MACROD2: variants seen among roughly 807,000 people sequenced by gnomAD.
MACROD2 encodes mono-ADP ribosylhydrolase 2, also known as ADP-ribose glycohydrolase MACROD2.
Under a neutral mutation model 70.4 loss-of-function variants are expected in MACROD2, and 36 were observed. The observed-to-expected ratio is 0.51, with a 90% CI of 0.39 to 0.68. The LOEUF (loss-of-function observed/expected upper bound fraction) is 0.68. Among genes scored for constraint, MACROD2 ranks in the 30% least tolerant of loss-of-function variants. MACROD2 has a pLI of 0.00. For missense variants in MACROD2, 496 were observed against 538.4 expected (o/e 0.92, Z 0.78); for synonymous variants, 172 against 178.8 (o/e 0.96, Z 0.30).
chr20:14,464,054 G>C (rs2084406955), intron 3 of MACROD2, among the ~76,000 whole-genome samples: 1 of 152,026 alleles, frequency 6.6e-6, no homozygotes, highest in Admixed American at 6.6e-5. Context: ...CTCATAAATT[G>C]AGTTAGGGAG....
chr20:14,605,960 A>G (rs998750378), intron 4 of MACROD2, among the ~76,000 whole-genome samples: 3 of 152,156 alleles, frequency 2.0e-5, no homozygotes, highest in African/African-American at 4.8e-5. Context: ...AATATTACCC[A>G]GGGATAATAG....
chr20:15,852,383 G>T (rs768037251), intron 8 of MACROD2, among the ~76,000 whole-genome samples: 7 of 152,162 alleles, frequency 4.6e-5, no homozygotes, highest in Non-Finnish European at 1.0e-4. Context: ...CAAAATAAAG[G>T]ATCCTTTTTA....
chr20:14,983,841 G>A (rs2122847265), intron 5 of MACROD2, among the ~76,000 whole-genome samples: 1 of 152,316 alleles, frequency 6.6e-6, no homozygotes, highest in East Asian at 1.9e-4. Flanking sequence ...AAGTAGTAAT[G>A]ATACTGGTAA....
At chr20:15,450,039 G>T (rs1294635606) in intron 7 of MACROD2, among the ~76,000 whole-genome samples, 2 of 151,924 alleles carry the variant, frequency 1.3e-5, no homozygotes, top group African/African-American at 4.8e-5. Flanking sequence ...ACACACAACA[G>T]ATATTAAGCC....
At chr20:15,667,270 A>G (rs6135480) in intron 8 of MACROD2, among the ~76,000 whole-genome samples, 57,550 of 151,854 alleles carry the variant, frequency 0.38, 12,322 homozygotes, top group South Asian at 0.48. Flanking sequence ...TGCTTTCTCC[A>G]TATGATGTGC....
intron 6 of MACROD2, among the ~76,000 whole-genome samples, chr20:15,263,335 C>T (rs376800464): frequency 6.6e-6 from 1 of 151,730 alleles, no homozygotes; most frequent in African/African-American, 2.4e-5. Context: ...AAATTGAGTT[C>T]ACTATAGATG....
rs561485408 is a variant in MACROD2 at position 14,807,972 on chromosome 20, T to G, written c.418+123013T>G. Among the ~76,000 whole-genome samples, 27 of 152,188 alleles carry G rather than the reference T, an allele frequency of 1.8e-4. No homozygotes were observed. The Middle Eastern group carries it at 0.01, about 58-fold the overall frequency. On this transcript the variant is annotated intron_variant, in intron 5 of 17. Transcript: ENST00000684519. ...AAAGACCAAACCTACGATTGATTGG[T>G]GTACCTGAAAGTGATGGGGAGAATG...
At chr20:14,725,061 G>T (rs1170946224) in intron 5 of MACROD2, among the ~76,000 whole-genome samples, 1 of 152,124 alleles carries the variant, frequency 6.6e-6, no homozygotes, top group African/African-American at 2.4e-5. Flanking sequence ...CAACAGGCTT[G>T]CTCATGGATT....
intron 7 of MACROD2, among the ~76,000 whole-genome samples, chr20:15,469,814 C>T (rs1445101828): frequency 3.3e-5 from 5 of 152,122 alleles, no homozygotes; most frequent in Non-Finnish European, 4.4e-5. Context: ...TACCAAGCAC[C>T]GACTCCATAC....
At chr20:15,676,165 C>T (rs2050054458) in intron 8 of MACROD2, among the ~76,000 whole-genome samples, 1 of 152,140 alleles carries the variant, frequency 6.6e-6, no homozygotes, top group Non-Finnish European at 1.5e-5. Context: ...CCTGTTTGTA[C>T]AATTTTTTGC....
In MACROD2 at chr20:15,489,359, G is replaced by A. The variant is rs114525574; in HGVS notation, c.572-10415G>A. Among the ~76,000 whole-genome samples, 1,095 of 152,256 alleles carry A rather than the reference G, an allele frequency of 7.2e-3. 15 individuals are homozygous for A. Among genetic ancestry groups the A allele is most frequent in the African/African-American group, 0.025 (1,029 of 41,540 alleles). ...TTGAATAAAATAAAGGAAGGGGTAA[G>A]ACAGGACCATGGGGAAAGAAGCGAT... is the stretch of plus-strand genomic sequence containing the variant. On this transcript the variant is annotated intron_variant, in intron 7 of 17. Transcript: ENST00000684519.
chr20:14,433,425 A>G (rs1009154393), intron 3 of MACROD2, among the ~76,000 whole-genome samples: 3 of 152,176 alleles, frequency 2.0e-5, no homozygotes, highest in African/African-American at 7.2e-5. Flanking sequence ...TATGACCAAT[A>G]ATACAGAAAA....
chr20:14,654,179 A>G (rs1284113267), intron 4 of MACROD2, among the ~76,000 whole-genome samples: 1 of 152,096 alleles, frequency 6.6e-6, no homozygotes, highest in Admixed American at 6.5e-5. Flanking sequence ...CAAAAGTGCT[A>G]TATTTTTGTA....
chr20:14,785,262 G>A (rs145868848), intron 5 of MACROD2, among the ~76,000 whole-genome samples: 6 of 151,956 alleles, frequency 3.9e-5, no homozygotes, highest in Admixed American at 1.3e-4. Flanking sequence ...CACTGCTCCA[G>A]GAATTAAGGG....
At chr20:15,289,533 G>C (rs1042440206) in intron 6 of MACROD2, among the ~76,000 whole-genome samples, 1 of 152,188 alleles carries the variant, frequency 6.6e-6, no homozygotes, top group African/African-American at 2.4e-5. Context: ...GGCTAGAGTG[G>C]TTCGCACTTC....
intron 3 of MACROD2, among the ~76,000 whole-genome samples, chr20:14,397,088 G>A (rs1446935209): frequency 4.1e-5 from 6 of 146,624 alleles, no homozygotes; most frequent in African/African-American, 7.5e-5. Flanking sequence ...TCCGCCTTCT[G>A]GGTTCACACC....
At chr20:15,919,387 C>T (rs931537684) in intron 10 of MACROD2, among the ~76,000 whole-genome samples, 1 of 152,102 alleles carries the variant, frequency 6.6e-6, no homozygotes, top group Non-Finnish European at 1.5e-5. Flanking sequence ...CATCAGCTAC[C>T]CTAGAAAATT....
chr20:15,384,560 C>G, intron 6 of MACROD2, among the ~76,000 whole-genome samples: 1 of 152,156 alleles, frequency 6.6e-6, no homozygotes, highest in East Asian at 1.9e-4. Context: ...TCGTGCAAAC[C>G]TTTACATATC....
intron 8 of MACROD2, among the ~76,000 whole-genome samples, chr20:15,624,513 G>A (rs971643794): frequency 6.6e-6 from 1 of 152,188 alleles, no homozygotes; most frequent in Non-Finnish European, 1.5e-5. Flanking sequence ...GAGTAGAACT[G>A]TGCTATATAT....
Sources: gnomAD v4.1 joint callset for allele counts (sites outside exome capture counted in the v4.1 genomes callset) on GRCh38, gnomAD v4.1.1 for gene constraint, MANE v1.5 for transcripts, NCBI Gene and HGNC (gene_info 2026-07-23, HGNC 2026-07-21) for gene names.